Variants in FHIP1A observed in about 807,000 individuals in gnomAD.
FHIP1A encodes the protein FHF complex subunit HOOK interacting protein 1A.
A neutral mutation model predicts 88.6 loss-of-function variants in FHIP1A; 61 were observed. The observed-to-expected ratio is 0.69, with a 90% CI of 0.56 to 0.85. The LOEUF (loss-of-function observed/expected upper bound fraction) is 0.85. Among genes scored for constraint, FHIP1A ranks in the 40% least tolerant of loss-of-function variants. The probability of loss-of-function intolerance (pLI) is 0.00; values close to 1 mark genes in which losing one functional copy is unlikely to be tolerated. For missense variants in FHIP1A, 1,154 were observed against 1,273.5 expected, an observed-to-expected ratio of 0.91 and a Z score of 1.43; for synonymous variants, 478 against 496.0, an observed-to-expected ratio of 0.96 and a Z score of 0.48.
chr4:151,438,605 CTTTT>C (rs200467402), intron 1 of FHIP1A, among the ~76,000 whole-genome samples: 2 of 132,458 alleles, frequency 1.5e-5, no homozygotes, highest in African/African-American at 5.7e-5. Context: ...CGGTTTTTGC[CTTTT>C]TTTTTTTTTT....
At chr4:151,518,504 A>G (rs1287188864) in intron 3 of FHIP1A, among the ~76,000 whole-genome samples, 2 of 152,180 alleles carry the variant, frequency 1.3e-5, no homozygotes, top group African/African-American at 4.8e-5. Context: ...ATGGTTTTCA[A>G]TATTTTATCA....
intron 7 of FHIP1A, among the ~76,000 whole-genome samples, chr4:151,615,247 A>T (rs1735477860): frequency 2.4e-5 from 1 of 41,422 alleles, no homozygotes; most frequent in African/African-American, 4.3e-4. Flanking sequence ...ATGCCAGGAA[A>T]TTGTTAGAAT....
intron 3 of FHIP1A, among the ~76,000 whole-genome samples, chr4:151,488,155 C>T (rs1358599600): frequency 6.6e-6 from 1 of 152,202 alleles, no homozygotes; most frequent in Non-Finnish European, 1.5e-5. Flanking sequence ...ACCAGTGTAG[C>T]TCCTCCACAA....
chr4:151,412,143 G>A (rs1042973636), intron 1 of FHIP1A, among the ~76,000 whole-genome samples: 1 of 152,184 alleles, frequency 6.6e-6, no homozygotes, highest in African/African-American at 2.4e-5. Flanking sequence ...CACTCTTGTT[G>A]CCCAGGCTGG....
chr4:151,629,629 G>A (rs1477509322), intron 7 of FHIP1A, 73 bp from the exon 8 acceptor site: 6 of 1,381,590 alleles, frequency 4.3e-6, no homozygotes, highest in African/African-American at 1.4e-5. Context: ...GGTGAGGCTG[G>A]GGGCCACGGG....
At chr4:151,591,185 A>T (rs1734412940) in intron 7 of FHIP1A, among the ~76,000 whole-genome samples, 2 of 150,902 alleles carry the variant, frequency 1.3e-5, no homozygotes, top group Admixed American at 6.6e-5. Flanking sequence ...TTGGCTCCTT[A>T]TGTGGTTGAT....
In FHIP1A at chr4:151,493,977, A is replaced by C. The variant is rs1217715235; in HGVS notation, c.-123+11329A>C. On this transcript the variant is annotated intron_variant, in intron 3 of 13. Transcript: ENST00000435205. ...TAGTACTGAAAGTCTTAACCAGAGC[A>C]ATCAGACAAGACAAAGAAATAAAGG... 2.0e-5 allele frequency among the ~76,000 whole-genome samples: 3 copies of C among 152,340 alleles called. No individual in the cohort carries two copies. In the South Asian group the frequency reaches 6.2e-4, roughly 32 times the overall value.
intron 3 of FHIP1A, among the ~76,000 whole-genome samples, chr4:151,560,736 T>A (rs913186929): frequency 9.2e-5 from 14 of 152,154 alleles, no homozygotes; most frequent in East Asian, 1.9e-4. Context: ...TTTCAACAAA[T>A]CACCCTATGT....
chr4:151,566,580 G>A (rs968671075), intron 4 of FHIP1A, among the ~76,000 whole-genome samples: 1 of 152,076 alleles, frequency 6.6e-6, no homozygotes, highest in African/African-American at 2.4e-5. Flanking sequence ...AGCAATTAGG[G>A]TACATGCATG....
intron 13 of FHIP1A, among the ~76,000 whole-genome samples, chr4:151,659,386 A>G (rs1396980116): frequency 2.0e-5 from 3 of 152,284 alleles, no homozygotes; most frequent in Middle Eastern, 3.4e-3. Context: ...AAATGAGTCA[A>G]ATCTGGGAGG....
chr4:151,659,784 C>G (rs1007976958), intron 13 of FHIP1A, among the ~76,000 whole-genome samples: 2 of 152,120 alleles, frequency 1.3e-5, no homozygotes, highest in African/African-American at 2.4e-5. Flanking sequence ...CTGGCAGCCC[C>G]GATGAAAAAC....
In FHIP1A at chr4:151,496,716, C is replaced by CT. The variant is rs58538673; in HGVS notation, c.-123+14085dup. Among the ~76,000 whole-genome samples the CT allele has an allele frequency of 6.4e-3, 658 of 102,462 alleles. 19 individuals carry two copies. Among genetic ancestry groups the CT allele is most frequent in the East Asian group, 0.044 (160 of 3,612 alleles). The allele number at this position is 102,462 out of a possible 152,430, so 67.2% of individuals were successfully genotyped here. ...CACAGGAGCATACCACCACGTCCAG[C>CT]TTTTTTTTTTTTTTTTTGTATTTTT... On this transcript the variant is annotated intron_variant, in intron 3 of 13. Transcript: ENST00000435205.
At chr4:151,463,750 A>G in intron 2 of FHIP1A, among the ~76,000 whole-genome samples, 1 of 152,192 alleles carries the variant, frequency 6.6e-6, no homozygotes, top group Non-Finnish European at 1.5e-5. Context: ...AGCATGTGGC[A>G]TTTTGTTCTG....
rs549400837 is a variant in FHIP1A, at chr4:151,410,829, T to C, written c.-356+1364T>C. Among the ~76,000 whole-genome samples the C allele has an allele frequency of 3.3e-5, 5 of 152,370 alleles. No homozygotes were observed. The South Asian group carries it at 1.0e-3, about 32-fold the overall frequency. ...AATTAAAGGTTGATATCTTTTTAGTTCCAGTTAATCCCTTTCCGCAGAGCT... is the reference window on the plus strand; with the variant it reads ...AATTAAAGGTTGATATCTTTTTAGTCCCAGTTAATCCCTTTCCGCAGAGCT... On this transcript the variant is annotated intron_variant, in intron 1 of 13. Transcript: ENST00000435205.
At chr4:151,527,505 G>A (rs951609366) in intron 3 of FHIP1A, among the ~76,000 whole-genome samples, 10 of 152,102 alleles carry the variant, frequency 6.6e-5, no homozygotes, top group Admixed American at 4.6e-4. Context: ...GCATCAGAGG[G>A]AGACCGTTTA....
intron 3 of FHIP1A, among the ~76,000 whole-genome samples, chr4:151,496,263 T>A (rs935132811): frequency 6.0e-5 from 9 of 149,900 alleles, no homozygotes; most frequent in Admixed American, 1.3e-4. Context: ...ATATATATAT[T>A]TTTTCTTTCT....
At chr4:151,647,332 C>G (rs950579696) in intron 10 of FHIP1A, among the ~76,000 whole-genome samples, 1 of 152,162 alleles carries the variant, frequency 6.6e-6, no homozygotes, top group Non-Finnish European at 1.5e-5. Context: ...TCAACCTTGG[C>G]CCTCTGGCAG....
chr4:151,534,269 A>G (rs1313260929), intron 3 of FHIP1A, among the ~76,000 whole-genome samples: 3 of 152,252 alleles, frequency 2.0e-5, no homozygotes, highest in Admixed American at 6.5e-5. Flanking sequence ...AGTTCTCACT[A>G]TGTTATGTTA....
intron 3 of FHIP1A, among the ~76,000 whole-genome samples, chr4:151,561,068 G>A (rs547358853): frequency 2.0e-5 from 3 of 152,250 alleles, no homozygotes; most frequent in Admixed American, 6.5e-5. Flanking sequence ...TGAAATTAAG[G>A]TGTAAAACGA....
Sources: gnomAD v4.1 joint callset for allele counts (sites outside exome capture counted in the v4.1 genomes callset) on GRCh38, gnomAD v4.1.1 for gene constraint, MANE v1.5 for transcripts, NCBI Gene and HGNC (gene_info 2026-07-23, HGNC 2026-07-21) for gene names.